Variants in EPHA8 observed in about 807,000 individuals in gnomAD.
EPHA8 encodes the protein ephrin type-A receptor 8.
EPHA8 carries 58 observed loss-of-function variants against 103.6 expected under a neutral mutation model. The observed-to-expected ratio is 0.56, with a 90% CI of 0.45 to 0.70. The LOEUF (loss-of-function observed/expected upper bound fraction) is 0.70. EPHA8 is among the 30% of genes least tolerant of loss of function. EPHA8 has a pLI of 0.00. For missense variants in EPHA8, 1,304 were observed against 1,395.2 expected (o/e 0.93, Z 1.04); for synonymous variants, 559 against 572.5 (o/e 0.98, Z 0.34).
At position 22,597,737 on chromosome 1, in the gene EPHA8, G is replaced by A. The variant is rs200825317; in HGVS notation, c.1992G>A (p.Val664=). The A allele has an allele frequency of 3.1e-6, 5 of 1,612,940 alleles. No homozygotes were observed. In the Admixed American group the frequency reaches 5.0e-5, roughly 16 times the overall value. ...LRVPGQRDVP[V]AIKALKAGYT... is the part of the protein sequence containing the mutation. ...TGCCAGGGCAGCGGGATGTGCCCGT[G>A]GCCATCAAGGCCCTCAAAGCCGGCT... The change falls in exon 11 of 17, where the codon GTG becomes GTA. Residue 664 remains valine, a synonymous_variant. Transcript: ENST00000166244. This position sits in a 1 kb window ranked among gnomAD's most constrained non-coding sequence, Gnocchi z 4.6.
At chr1:22,588,281 T>C (rs2148251792) in intron 4 of EPHA8, among the ~76,000 whole-genome samples, 1 of 147,454 alleles carries the variant, frequency 6.8e-6, no homozygotes, top group Admixed American at 6.7e-5. Flanking sequence ...CAGCCCCACG[T>C]CCTGGTCTCC....
At chr1:22,577,621 G>C (rs1640747437) in intron 3 of EPHA8, among the ~76,000 whole-genome samples, 1 of 152,140 alleles carries the variant, frequency 6.6e-6, no homozygotes, top group Admixed American at 6.5e-5. Context: ...AGACAGGCAA[G>C]GGCCTTGTGG....
intron 1 of EPHA8, among the ~76,000 whole-genome samples, chr1:22,568,475 C>T (rs898584829): frequency 3.3e-5 from 5 of 152,256 alleles, no homozygotes; most frequent in African/African-American, 7.2e-5. Context: ...CGAATGGCAG[C>T]TCCGCCAGCT....
At chr1:22,599,102 T>C in intron 13 of EPHA8, 55 bp downstream of exon 13, 1 of 1,532,922 alleles carries the variant, frequency 6.5e-7, no homozygotes, top group Non-Finnish European at 8.8e-7. Flanking sequence ...ATGGCGCCGG[T>C]GGCACCCAGG....
chr1:22,597,787 T>A lies in EPHA8; in HGVS notation c.2042T>A (p.Phe681Tyr). The change falls in exon 11 of 17, where the codon TTC becomes TAC. Residue 681 changes from phenylalanine (F) to tyrosine (Y), a missense_variant. Phe to Tyr is a conservative substitution (Grantham distance 22, BLOSUM62 3). Transcript: ENST00000166244. This position sits in a 1 kb window ranked among gnomAD's most constrained non-coding sequence, Gnocchi z 4.6. ...TACACGGAGAGACAGAGGCGGGACT[T>A]CCTGAGCGAGGCGTCCATCATGGGG... Reference protein sequence around the residue: ...AGYTERQRRDFLSEASIMGQF... With the variant: ...AGYTERQRRDYLSEASIMGQF... 6.2e-7 allele frequency: 1 copy of A among 1,613,082 alleles called. No individual in the cohort carries two copies. The highest frequency in any genetic ancestry group is 8.5e-7 in the Non-Finnish European group (1 of 1,179,960).
chr1:22,576,217 T>G lies in EPHA8; in HGVS notation c.160T>G (p.Trp54Gly), dbSNP rs745520846. ...WGWLTYPAHG[W>G]DSINEVDESF... is the part of the protein sequence containing the mutation. ...GTGGCTGTGTTCTCTCTGCCCACAGTGGGACTCCATCAACGAGGTGGACGA... is the reference window on the plus strand; with the variant it reads ...GTGGCTGTGTTCTCTCTGCCCACAGGGGGACTCCATCAACGAGGTGGACGA... The change falls in exon 3 of 17, where the codon TGG becomes GGG. Residue 54 changes from tryptophan to glycine, a missense_variant and splice_region_variant. Coordinates refer to ENST00000166244, the MANE Select transcript of EPHA8 (RefSeq NM_020526.5). The surrounding 1 kb of genome is among the most constrained non-coding windows in gnomAD (Gnocchi z 4.8). 1.2e-5 allele frequency: 20 copies of G among 1,604,358 alleles called. No homozygotes were observed. In the Admixed American group the frequency reaches 3.0e-4, roughly 24 times the overall value.
intron 3 of EPHA8, among the ~76,000 whole-genome samples, chr1:22,585,058 C>CGTGCGCGCGT (rs1641164563): frequency 4.8e-5 from 5 of 103,834 alleles, no homozygotes; most frequent in African/African-American, 2.7e-4. Flanking sequence ...TGTGCGCACG[C>CGTGCGCGCGT]GTGTGTCTAG....
intron 4 of EPHA8, 126 bp downstream of exon 4, chr1:22,586,761 G>A (rs1287612759): frequency 8.2e-7 from 1 of 1,218,898 alleles, no homozygotes; most frequent in Non-Finnish European, 1.1e-6. Context: ...GCTCTCTTGA[G>A]CCAGAGGCCA....
At chr1:22,591,226 C>T (rs964356975) in intron 5 of EPHA8, among the ~76,000 whole-genome samples, 2 of 151,578 alleles carry the variant, frequency 1.3e-5, no homozygotes, top group Non-Finnish European at 2.9e-5. Context: ...CCCATCTCTA[C>T]AAAAAAAATT....
intron 8 of EPHA8, 46 bp downstream of exon 8, chr1:22,595,369 C>G (rs371496542): frequency 5.2e-6 from 8 of 1,533,744 alleles, no homozygotes; most frequent in East Asian, 4.6e-5. Context: ...TCTCAAGCAC[C>G]GTACCTCCTG....
rs141910236 is a variant in EPHA8 at position 22,600,789 on chromosome 1, C to T, written c.2517C>T (p.Tyr839=). The change falls in exon 14 of 17, where the codon TAC becomes TAT. Residue 839 remains tyrosine, a synonymous_variant. Coordinates refer to ENST00000166244, the MANE Select transcript of EPHA8 (RefSeq NM_020526.5). ...TGCTGGCCTATGGGGAGCGGCCCTACTGGAACATGACCAACCGGGATGTGA... is the reference window on the plus strand; with the variant it reads ...TGCTGGCCTATGGGGAGCGGCCCTATTGGAACATGACCAACCGGGATGTGA... ...WEVLAYGERP[Y]WNMTNRDVIS... is the part of the protein sequence containing the mutation. The T allele has an allele frequency of 1.2e-6, 2 of 1,609,642 alleles. No individual in the cohort carries two copies. The highest frequency in any genetic ancestry group is 1.7e-5 in the Admixed American group (1 of 59,672).
At position 22,576,837 on chromosome 1, in the gene EPHA8, C is replaced by T. The variant is rs749326341; in HGVS notation, c.780C>T (p.Cys260=). The change falls in exon 3 of 17, where the codon TGC becomes TGT. Residue 260 remains cysteine (C), a synonymous_variant. Coordinates refer to ENST00000166244, the MANE Select transcript of EPHA8 (RefSeq NM_020526.5). The surrounding 1 kb of genome is among the most constrained non-coding windows in gnomAD (Gnocchi z 4.8). ...AGTGGCTCGTGCCCATCGGCAAATGCGTGTGCAGTGCCGGCTACGAGGAGC... is the reference window on the plus strand; with the variant it reads ...AGTGGCTCGTGCCCATCGGCAAATGTGTGTGCAGTGCCGGCTACGAGGAGC... The part of the protein sequence containing the change: ...EGEWLVPIGK[C]VCSAGYEERR... 8 of 1,608,070 alleles carry T rather than the reference C, an allele frequency of 5.0e-6. No individual in the cohort carries two copies. The highest frequency in any genetic ancestry group is 1.7e-5 in the Admixed American group (1 of 59,876).
At chr1:22,566,624 G>A (rs770594858) in intron 1 of EPHA8, among the ~76,000 whole-genome samples, 2 of 152,186 alleles carry the variant, frequency 1.3e-5, no homozygotes, top group Admixed American at 6.5e-5. Flanking sequence ...TCCGATCCCC[G>A]TGTTTGGTAA....
At chr1:22,580,853 G>A (rs1641024897) in intron 3 of EPHA8, among the ~76,000 whole-genome samples, 1 of 152,210 alleles carries the variant, frequency 6.6e-6, no homozygotes. Flanking sequence ...GTATTGCTCT[G>A]AGCCAGGTAC....
At chr1:22,579,197 G>T (rs1182195842) in intron 3 of EPHA8, among the ~76,000 whole-genome samples, 3 of 150,678 alleles carry the variant, frequency 2.0e-5, no homozygotes, top group African/African-American at 7.4e-5. Context: ...GAATATATGT[G>T]TACCTGTGTG....
chr1:22,574,283 ATCTT>A (rs1278492963), intron 2 of EPHA8, among the ~76,000 whole-genome samples: 4 of 152,290 alleles, frequency 2.6e-5, no homozygotes, highest in African/African-American at 4.8e-5. Flanking sequence ...CCGGCCAGGC[ATCTT>A]TCTTTCTTTC....
In EPHA8 at chr1:22,576,253, C is replaced by T. The variant is rs751639041; in HGVS notation, c.196C>T (p.Pro66Ser). The change falls in exon 3 of 17, where the codon CCC (proline) becomes TCC (serine). Residue 66 changes from proline to serine, a missense_variant. By Grantham distance (74) the Pro-to-Ser change is moderately conservative. Coordinates refer to ENST00000166244, the MANE Select transcript of EPHA8 (RefSeq NM_020526.5). This position sits in a 1 kb window ranked among gnomAD's most constrained non-coding sequence, Gnocchi z 4.8. ...CAACGAGGTGGACGAGTCCTTCCAG[C>T]CCATCCACACGTACCAGGTTTGCAA... is the stretch of plus-strand genomic sequence containing the variant. The part of the protein sequence containing the change: ...SINEVDESFQ[P>S]IHTYQVCNVM... 2.6e-5 allele frequency: 42 copies of T among 1,612,892 alleles called. No homozygotes were observed. The highest frequency in any genetic ancestry group is 3.4e-5 in the Non-Finnish European group (40 of 1,179,436).
At chr1:22,572,820 C>T (rs1640580634) in intron 2 of EPHA8, among the ~76,000 whole-genome samples, 1 of 152,204 alleles carries the variant, frequency 6.6e-6, no homozygotes, top group Admixed American at 6.5e-5. Flanking sequence ...TGGCACCCAT[C>T]ACGGGGTGGG....
At position 22,588,921 on chromosome 1, in the gene EPHA8, G is replaced by T. The variant is rs202187898; in HGVS notation, c.1030G>T (p.Val344Leu). Residue 344 changes from valine to leucine, a missense_variant, in exon 5 of 17, where the codon GTG becomes TTG. By Grantham distance (32) the Val-to-Leu change is conservative. Transcript: ENST00000166244. ...NLISSVNGTSVTLEWAPPLDP... is the reference protein window; with the variant it reads ...NLISSVNGTSLTLEWAPPLDP... Reference sequence around the variant, plus strand: ...GATCTCCAGTGTGAATGGGACATCAGTGACTCTGGAGTGGGCCCCTCCCCT... The same window carrying T: ...GATCTCCAGTGTGAATGGGACATCATTGACTCTGGAGTGGGCCCCTCCCCT... The T allele has an allele frequency of 8.0e-5, 128 of 1,609,008 alleles. No individual in the cohort carries two copies. The highest frequency in any genetic ancestry group is 9.7e-5 in the Non-Finnish European group (115 of 1,179,494).
Sources: allele counts gnomAD v4.1 joint callset (sites outside exome capture counted in the v4.1 genomes callset), GRCh38; gene constraint gnomAD v4.1.1; non-coding constraint Gnocchi (gnomAD v3.1); transcripts MANE v1.5; gene names NCBI Gene and HGNC (gene_info 2026-07-23, HGNC 2026-07-21).